The following LAMA2 variants were observed in gnomAD, a reference collection of about 807,000 sequenced individuals.
LAMA2 encodes the protein laminin subunit alpha 2.
LAMA2 carries 269 observed loss-of-function variants against 364.8 expected under a neutral mutation model. The ratio of observed to expected loss-of-function variants is 0.74; its 90% CI spans 0.67 to 0.82. LAMA2 has a LOEUF of 0.82. Ranked by LOEUF, LAMA2 falls within the 40% of genes least tolerant of loss-of-function variation. LAMA2 has a pLI of 0.00. For missense variants in LAMA2, 3,807 were observed against 3,873.2 expected (o/e 0.98, Z 0.45); for synonymous variants, 1,379 against 1,370.6 (o/e 1.01, Z -0.14).
At chr6:129,305,035 T>C (rs1232359814) in intron 22 of LAMA2, among the ~76,000 whole-genome samples, 3 of 152,218 alleles carry the variant, frequency 2.0e-5, no homozygotes, top group Admixed American at 1.3e-4. Flanking sequence ...TGTTGGACTA[T>C]AACTTTGTCC....
At chr6:128,963,995 T>C (rs966939353) in intron 1 of LAMA2, among the ~76,000 whole-genome samples, 1 of 152,120 alleles carries the variant, frequency 6.6e-6, no homozygotes, top group African/African-American at 2.4e-5. Context: ...GTTTTCTCTT[T>C]TGATCTTTGA....
chr6:129,265,616 A>G (rs1787449611), intron 15 of LAMA2, among the ~76,000 whole-genome samples: 1 of 151,954 alleles, frequency 6.6e-6, no homozygotes, highest in Non-Finnish European at 1.5e-5. Context: ...ATGGAAACGG[A>G]ACAGGATAGA....
At chr6:128,981,914 C>A (rs116704964) in intron 1 of LAMA2, among the ~76,000 whole-genome samples, 9 of 152,206 alleles carry the variant, frequency 5.9e-5, no homozygotes, top group African/African-American at 2.2e-4. Flanking sequence ...TTTGGGAAGC[C>A]GTTCTCTAGT....
chr6:129,254,300 C>A (rs548272670), intron 14 of LAMA2, among the ~76,000 whole-genome samples: 5 of 152,252 alleles, frequency 3.3e-5, no homozygotes, highest in Admixed American at 1.3e-4. Context: ...AACTGGACTG[C>A]GGGTCAAGAA....
Position 129,506,066 on chromosome 6 carries a change from G to A in LAMA2, c.8703+711G>A, listed in dbSNP as rs144035690. 2.0e-5 allele frequency among the ~76,000 whole-genome samples: 3 copies of A among 152,208 alleles called. No individual in the cohort carries two copies. The East Asian group carries it at 5.8e-4, about 29-fold the overall frequency. ...TTAAATGAGGTAATTTATTTAAAGT[G>A]ATTGGGTTGGGCATGGTGGCTCACA... On this transcript the variant is annotated intron_variant, in intron 61 of 64. Transcript: ENST00000421865.
intron 30 of LAMA2, among the ~76,000 whole-genome samples, chr6:129,348,552 C>CT (rs893490173): frequency 4.9e-4 from 71 of 143,582 alleles, no homozygotes; most frequent in Admixed American, 6.3e-4. Context: ...CTTGTGGAGT[C>CT]TTTTTTTTTT....
chr6:129,083,773 CCAACGTAT>C (rs1433209390), intron 3 of LAMA2, among the ~76,000 whole-genome samples: 1 of 152,132 alleles, frequency 6.6e-6, no homozygotes, highest in Non-Finnish European at 1.5e-5. Flanking sequence ...TAGCTTAGAT[CCAACGTAT>C]CAACCTGGAA....
intron 58 of LAMA2, among the ~76,000 whole-genome samples, chr6:129,497,647 A>AAAAG (rs1272089443): frequency 3.3e-5 from 5 of 151,802 alleles, no homozygotes; most frequent in African/African-American, 1.2e-4. Flanking sequence ...CAGTTGACAG[A>AAAAG]AAAGATCTAT....
At chr6:129,072,947 T>A (rs528619598) in intron 3 of LAMA2, among the ~76,000 whole-genome samples, 1 of 152,304 alleles carries the variant, frequency 6.6e-6, no homozygotes, top group East Asian at 1.9e-4. Context: ...TTTGTTTATT[T>A]TTTGTTAGTA....
chr6:129,296,823 G>C (rs1773213960), intron 20 of LAMA2, among the ~76,000 whole-genome samples: 1 of 151,974 alleles, frequency 6.6e-6, no homozygotes, highest in Non-Finnish European at 1.5e-5. Context: ...ATTTTAAGCA[G>C]GATAGATGAT....
intron 15 of LAMA2, among the ~76,000 whole-genome samples, chr6:129,263,619 A>T (rs1434882721): frequency 6.6e-6 from 1 of 150,974 alleles, no homozygotes; most frequent in Non-Finnish European, 1.5e-5. Flanking sequence ...AAGCAAGGCC[A>T]TGAGGAGATT....
chr6:129,166,703 TA>T, intron 9 of LAMA2, among the ~76,000 whole-genome samples: 1 of 152,130 alleles, frequency 6.6e-6, no homozygotes, highest in East Asian at 1.9e-4. Flanking sequence ...GATCACAGAA[TA>T]AAAATGGAAA....
intron 1 of LAMA2, among the ~76,000 whole-genome samples, chr6:128,962,181 TATATAC>T (rs1214446329): frequency 1.4e-4 from 17 of 118,544 alleles, no homozygotes; most frequent in South Asian, 5.0e-4. Context: ...TATATATATA[TATATAC>T]ACACATACAC....
At chr6:129,020,105 A>G (rs997307027) in intron 1 of LAMA2, among the ~76,000 whole-genome samples, 4 of 37,716 alleles carry the variant, frequency 1.1e-4, no homozygotes, top group South Asian at 1.5e-3. Flanking sequence ...AAAAAAAGAA[A>G]AAAAAAAAAA....
intron 35 of LAMA2, among the ~76,000 whole-genome samples, chr6:129,391,113 C>T (rs1457507167): frequency 2.0e-5 from 3 of 152,154 alleles, no homozygotes; most frequent in Non-Finnish European, 4.4e-5. Context: ...ATAGCCACTG[C>T]TATGACTATC....
chr6:128,954,018 A>G (rs997572727), intron 1 of LAMA2, among the ~76,000 whole-genome samples: 1 of 152,144 alleles, frequency 6.6e-6, no homozygotes, highest in Admixed American at 6.6e-5. Context: ...ATTTCATTTC[A>G]TCTCTTCTTC....
chr6:129,292,916 C>T (rs891177087), intron 20 of LAMA2: 1 of 985,912 alleles, frequency 1.0e-6, no homozygotes, highest in Non-Finnish European at 1.2e-6. Flanking sequence ...GTAAATCAGG[C>T]TTCGTAGGGA....
chr6:129,028,111 T>A (rs1785962383), intron 1 of LAMA2, among the ~76,000 whole-genome samples: 1 of 151,866 alleles, frequency 6.6e-6, no homozygotes, highest in Admixed American at 6.6e-5. Flanking sequence ...TTAAAACATA[T>A]TTTGAAAAAC....
In LAMA2 at chr6:129,190,283, G is replaced by A. The variant is rs141000358; in HGVS notation, c.1546G>A (p.Asp516Asn). The A allele has an allele frequency of 1.7e-5, 28 of 1,613,570 alleles. No homozygotes were observed. The highest frequency in any genetic ancestry group is 1.6e-4 in the Middle Eastern group (1 of 6,084). Residue 516 changes from aspartate (D) to asparagine (N), a missense_variant, in exon 11 of 65, where the codon GAT becomes AAT. Asp to Asn is a conservative substitution (Grantham distance 23). Coordinates refer to ENST00000421865, the MANE Select transcript of LAMA2 (RefSeq NM_000426.4). ...NLQEDNWKGC[D>N]ECFCSGVSNR... ...GCAAGAGGATAATTGGAAAGGCTGC[G>A]ATGAGTGTTTCTGTTCAGGGGTTTC... is the stretch of plus-strand genomic sequence containing the variant.
Sources: allele counts gnomAD v4.1 joint callset (sites outside exome capture counted in the v4.1 genomes callset), GRCh38; gene constraint gnomAD v4.1.1; transcripts MANE v1.5; gene names NCBI Gene and HGNC (gene_info 2026-07-23, HGNC 2026-07-21).